Variants in DOCK9 observed in about 807,000 individuals in gnomAD.
The protein encoded by DOCK9 is dedicator of cytokinesis protein 9.
DOCK9 carries 89 observed loss-of-function variants against 263.3 expected under a neutral mutation model. The observed-to-expected ratio is 0.34, with a 90% CI of 0.28 to 0.40. DOCK9 has a LOEUF of 0.40. Among genes scored for constraint, DOCK9 ranks in the 10% least tolerant of loss-of-function variants. The pLI, the probability that DOCK9 is intolerant of heterozygous loss-of-function variation, is 1.00. For missense variants in DOCK9, 2,140 were observed against 2,603.4 expected (o/e 0.82, Z 3.87); for synonymous variants, 976 against 973.1 (o/e 1.00, Z -0.06).
At chr13:98,918,611 T>C (rs2051299680) in intron 7 of DOCK9, among the ~76,000 whole-genome samples, 1 of 152,124 alleles carries the variant, frequency 6.6e-6, no homozygotes, top group South Asian at 2.1e-4. Context: ...TAGATGGCAA[T>C]GGGATGCCCT....
At chr13:98,835,848 C>T (rs2092976676) in intron 39 of DOCK9, among the ~76,000 whole-genome samples, 1 of 150,978 alleles carries the variant, frequency 6.6e-6, no homozygotes, top group Non-Finnish European at 1.5e-5. Context: ...CAAGCGATTC[C>T]CCTGCCTTAG....
At chr13:98,945,079 A>G (rs1319706727) in intron 2 of DOCK9, among the ~76,000 whole-genome samples, 1 of 152,238 alleles carries the variant, frequency 6.6e-6, no homozygotes, top group Non-Finnish European at 1.5e-5. Context: ...ATGTTTGTAA[A>G]TCACTTCCTT....
At chr13:98,904,203 G>A (rs377397933) in intron 10 of DOCK9, among the ~76,000 whole-genome samples, 2 of 152,166 alleles carry the variant, frequency 1.3e-5, no homozygotes, top group Admixed American at 6.5e-5. Flanking sequence ...ACACACATAC[G>A]TATGGTTATG....
At chr13:98,814,301 C>T (rs563930937) in intron 45 of DOCK9, among the ~76,000 whole-genome samples, 34 of 152,208 alleles carry the variant, frequency 2.2e-4, no homozygotes, top group African/African-American at 7.7e-4. Flanking sequence ...AACACTAAAG[C>T]CAGATACATG....
At chr13:99,041,854 C>T (rs4772170) in intron 1 of DOCK9, among the ~76,000 whole-genome samples, 152,325 of 152,344 alleles carry the variant, frequency 1, 76,153 homozygotes, top group Middle Eastern at 1. Context: ...GATGCAGCGA[C>T]TGGGGTGACA....
At chr13:99,018,853 T>C (rs952585483) in intron 1 of DOCK9, among the ~76,000 whole-genome samples, 1 of 152,204 alleles carries the variant, frequency 6.6e-6, no homozygotes, top group African/African-American at 2.4e-5. Context: ...CATCTTTAAA[T>C]GTCACTTCTA....
intron 47 of DOCK9, among the ~76,000 whole-genome samples, chr13:98,808,031 G>A (rs1205365615): frequency 6.6e-6 from 1 of 152,224 alleles, no homozygotes; most frequent in Non-Finnish European, 1.5e-5. Flanking sequence ...CAGTCATTAA[G>A]TGTTGAGTGA....
At position 98,955,462 on chromosome 13, in the gene DOCK9, C is replaced by A; in HGVS notation, c.216G>T (p.Met72Ile). 6.3e-7 allele frequency: 1 copy of A among 1,593,642 alleles called. No homozygotes were observed. Among genetic ancestry groups the A allele is most frequent in the Non-Finnish European group, 8.6e-7 (1 of 1,168,764 alleles). ...TQILNDCLRE[M>I]LLFPYDDFQT... ...GAAAGTCATCGTAAGGGAAGAGCAG[C>A]ATCTCCCGTAAACAGTCGTTCAGGA... Residue 72 changes from methionine (M) to isoleucine (I), a missense_variant, in exon 2 of 53, where the codon ATG (methionine) becomes ATT (isoleucine). Met to Ile is a conservative substitution (Grantham distance 10). Coordinates refer to ENST00000682017, the MANE Select transcript of DOCK9 (RefSeq NM_001366683.2).
At chr13:98,851,406 A>G (rs2093564556) in intron 35 of DOCK9, among the ~76,000 whole-genome samples, 1 of 152,174 alleles carries the variant, frequency 6.6e-6, no homozygotes, top group African/African-American at 2.4e-5. Flanking sequence ...CCATCAGGGT[A>G]TGGTGAGCCC....
At position 99,050,195 on chromosome 13, in the gene DOCK9, G is replaced by A. The variant is rs959087444; in HGVS notation, c.129+36028C>T. Among the ~76,000 whole-genome samples the A allele has an allele frequency of 3.3e-5, 5 of 152,230 alleles. No individual in the cohort carries two copies. In the East Asian group the frequency reaches 9.7e-4, roughly 29 times the overall value. ...CACATAGCATGTGTAGTTTATCTAT[G>A]TCACAGAGCAAAAATAACACTTTGG... On this transcript the variant is annotated intron_variant, in intron 1 of 32. Coordinates refer to the DOCK9 transcript ENST00000427887.
At chr13:98,846,895 G>A (rs573794440) in intron 37 of DOCK9, 1 of 319,970 alleles carries the variant, frequency 3.1e-6, no homozygotes, top group East Asian at 8.3e-5. Flanking sequence ...AGAGAACCAT[G>A]GCAATTTTTG....
intron 1 of DOCK9, among the ~76,000 whole-genome samples, chr13:98,962,352 T>C (rs1213336131): frequency 1.3e-5 from 2 of 152,254 alleles, no homozygotes; most frequent in African/African-American, 4.8e-5. Flanking sequence ...GTGCCTTATT[T>C]TGTTTTCAAA....
At chr13:99,079,912 C>T (rs56745450) in intron 1 of DOCK9, among the ~76,000 whole-genome samples, 15,011 of 152,080 alleles carry the variant, frequency 0.099, 1,044 homozygotes, top group East Asian at 0.24. Context: ...TGGTGGCACA[C>T]GCCTGTAATT....
rs2093606808 is a variant in DOCK9, at chr13:98,852,698, T to A, written c.3946+710A>T. 3.3e-5 allele frequency among the ~76,000 whole-genome samples: 5 copies of A among 152,194 alleles called. No homozygotes were observed. The South Asian group carries it at 1.0e-3, about 32-fold the overall frequency. The stretch of plus-strand genomic sequence containing the variant: ...GGAAAAATAAGATTTTTGCCCAGGA[T>A]AAGAACTGCGACATTGTTTACTGGG... On this transcript the variant is annotated intron_variant, in intron 35 of 52. Coordinates refer to ENST00000682017, the MANE Select transcript of DOCK9 (RefSeq NM_001366683.2).
intron 1 of DOCK9, among the ~76,000 whole-genome samples, chr13:98,987,951 TTA>T (rs528804173): frequency 2.0e-4 from 29 of 143,902 alleles, no homozygotes; most frequent in Admixed American, 1.5e-3. Flanking sequence ...AAAATTTTTT[TTA>T]AATTTAAAAA....
At chr13:99,024,986 T>C (rs1886548673) in intron 1 of DOCK9, among the ~76,000 whole-genome samples, 1 of 152,172 alleles carries the variant, frequency 6.6e-6, no homozygotes, top group Non-Finnish European at 1.5e-5. Flanking sequence ...CCTTACAAGG[T>C]TTTAATTTCT....
At chr13:98,917,302 T>C (rs2051042571) in intron 7 of DOCK9, among the ~76,000 whole-genome samples, 1 of 152,234 alleles carries the variant, frequency 6.6e-6, no homozygotes, top group Non-Finnish European at 1.5e-5. Flanking sequence ...GCTTTAACCT[T>C]CTTTTTAAAG....
intron 1 of DOCK9, among the ~76,000 whole-genome samples, chr13:99,077,265 AAATC>A (rs576175589): frequency 6.6e-6 from 1 of 152,302 alleles, no homozygotes; most frequent in African/African-American, 2.4e-5. Context: ...GTCCCCACCC[AAATC>A]CCCAGTGTTG....
chr13:98,910,370 G>T (rs1270554264), intron 9 of DOCK9, among the ~76,000 whole-genome samples: 1 of 152,108 alleles, frequency 6.6e-6, no homozygotes, highest in Non-Finnish European at 1.5e-5. Context: ...TAGACAATAG[G>T]AGGAAAAGAA....
Sources: gnomAD v4.1 joint callset for allele counts (sites outside exome capture counted in the v4.1 genomes callset) on GRCh38, gnomAD v4.1.1 for gene constraint, MANE v1.5 for transcripts, NCBI Gene and HGNC (gene_info 2026-07-23, HGNC 2026-07-21) for gene names.